Variants in EVPLL observed in about 807,000 individuals in gnomAD.
EVPLL encodes the protein envoplakin-like protein.
A neutral mutation model predicts 46.2 loss-of-function variants in EVPLL; 39 were observed. That is an observed-to-expected ratio of 0.84 (90% CI 0.65 to 1.10). EVPLL has a LOEUF of 1.10. Among genes scored for constraint, EVPLL ranks in the 50% least tolerant of loss-of-function variants. The probability of loss-of-function intolerance (pLI) is 0.00; values close to 1 mark genes in which losing one functional copy is unlikely to be tolerated. For missense variants in EVPLL, 385 were observed against 412.6 expected, an observed-to-expected ratio of 0.93 and a Z score of 0.58; for synonymous variants, 156 against 165.8, an observed-to-expected ratio of 0.94 and a Z score of 0.46.
At position 18,381,798 on chromosome 17, in the gene EVPLL, C is replaced by A; in HGVS notation, c.346+68C>A. 1 of 1,609,370 alleles carries A rather than the reference C, an allele frequency of 6.2e-7. No homozygotes were observed. On this transcript the variant is annotated intron_variant, in intron 4 of 10. Coordinates refer to ENST00000399134, the MANE Select transcript of EVPLL (RefSeq NM_001145127.2). This position sits in a 1 kb window ranked among gnomAD's most constrained non-coding sequence, Gnocchi z 4.2. ...TACGGAACTGCATTTAACCCAGGGCCTGACTGTAGGCTTGAACAGTCAGTG... is the reference window on the plus strand; with the variant it reads ...TACGGAACTGCATTTAACCCAGGGCATGACTGTAGGCTTGAACAGTCAGTG...
Position 18,383,041 on chromosome 17 carries a change from G to A in EVPLL, c.528G>A (p.Ala176=). The part of the protein sequence containing the change: ...IPRPTEGGVV[A]RAEPGQPVHA... Reference sequence around the variant, plus strand: ...TGAGCACAGAGGGCGGCGTCGTGGCGCGGGCAGAGCCTGGGCAGCCTGTAC... The same window carrying A: ...TGAGCACAGAGGGCGGCGTCGTGGCACGGGCAGAGCCTGGGCAGCCTGTAC... Residue 176 remains alanine (A), a synonymous_variant, in exon 7 of 11, where the codon GCG becomes GCA. Transcript: ENST00000399134. The A allele has an allele frequency of 6.4e-7, 1 of 1,558,242 alleles. No homozygotes were observed. Among genetic ancestry groups the A allele is most frequent in the South Asian group, 1.2e-5 (1 of 86,156 alleles).
In EVPLL at chr17:18,380,972, T is replaced by G; in HGVS notation, c.35T>G (p.Ile12Ser). 6.3e-7 allele frequency: 1 copy of G among 1,596,956 alleles called. No individual in the cohort carries two copies. The highest frequency in any genetic ancestry group is 8.5e-7 in the Non-Finnish European group (1 of 1,172,524). ...QASADQVERD[I>S]LETQKRLQQD... ...AGCGCCGACCAGGTGGAGCGGGACA[T>G]CCTGGAGACGCAGAAGAGGCTGCAG... The change falls in exon 2 of 11, where the codon ATC becomes AGC. Residue 12 changes from isoleucine to serine, a missense_variant. Coordinates refer to ENST00000399134, the MANE Select transcript of EVPLL (RefSeq NM_001145127.2).
intron 9 of EVPLL, among the ~76,000 whole-genome samples, chr17:18,387,330 C>G (rs1296977207): frequency 1.3e-5 from 2 of 151,982 alleles, no homozygotes; most frequent in East Asian, 1.9e-4. Flanking sequence ...AAAATATATC[C>G]TGATTCCAGC....
Position 18,383,204 on chromosome 17 carries a change from G to A in EVPLL, c.672+19G>A. 6.5e-7 allele frequency: 1 copy of A among 1,546,426 alleles called. No individual in the cohort carries two copies. The highest frequency in any genetic ancestry group is 2.4e-5 in the East Asian group (1 of 41,234). ...ATACGAGGTCGGCTGGCAGAGGTTG[G>A]GGCCAGGCGGGGGCGACCAGGGCCA... On this transcript the variant is annotated intron_variant, in intron 7 of 10. Transcript: ENST00000399134.
At chr17:18,388,043 C>CACATATATATATATGTATAT (rs1555596640) in intron 9 of EVPLL, 176 bp from the exon 10 acceptor site, 1 of 166,706 alleles carries the variant, frequency 6.0e-6, no homozygotes, top group African/African-American at 3.2e-5. Flanking sequence ...TATATATATA[C>CACATATATATATATGTATAT]ATATATATGT....
intron 9 of EVPLL, among the ~76,000 whole-genome samples, chr17:18,386,198 C>T (rs987120296): frequency 6.6e-6 from 1 of 152,166 alleles, no homozygotes. Context: ...AGGTGGCCTT[C>T]CCGGTGTCTC....
At chr17:18,384,805 G>A (rs1598098964) in intron 9 of EVPLL, among the ~76,000 whole-genome samples, 1 of 152,286 alleles carries the variant, frequency 6.6e-6, no homozygotes, top group Middle Eastern at 3.4e-3. Context: ...GGCCTCCCTT[G>A]GACCACCCGG....
intron 9 of EVPLL, chr17:18,388,008 GTC>G (rs926460398): frequency 4.0e-3 from 477 of 119,968 alleles, no homozygotes; most frequent in East Asian, 7.1e-3. Context: ...GCAAGACCCT[GTC>G]TCTCTCTCTC....
rs1314960263 is a variant in EVPLL, at chr17:18,381,645, G to A, written c.261G>A (p.Glu87=). Residue 87 remains glutamate (E), a synonymous_variant, in exon 4 of 11, where the codon GAG becomes GAA. Coordinates refer to ENST00000399134, the MANE Select transcript of EVPLL (RefSeq NM_001145127.2). The surrounding 1 kb of genome is among the most constrained non-coding windows in gnomAD (Gnocchi z 4.2). ...AGCGGGTGACCCAGGAGTGTGCGGAGTACTGTGCCCTGTACGAGAAGATGG... is the reference window on the plus strand; with the variant it reads ...AGCGGGTGACCCAGGAGTGTGCGGAATACTGTGCCCTGTACGAGAAGATGG... ...LHERVTQECA[E]YCALYEKMVL... is the part of the protein sequence containing the mutation. 3 of 1,614,082 alleles carry A rather than the reference G, an allele frequency of 1.9e-6. No individual in the cohort carries two copies. The highest frequency in any genetic ancestry group is 2.7e-5 in the African/African-American group (2 of 74,942).
chr17:18,383,842 A>T (rs1041884097), intron 9 of EVPLL: 19 of 440,094 alleles, frequency 4.3e-5, no homozygotes, highest in African/African-American at 3.8e-4. Context: ...AGGTGGTGGC[A>T]CGCGCCTGTA....
intron 9 of EVPLL, among the ~76,000 whole-genome samples, chr17:18,384,897 G>A (rs940399854): frequency 1.6e-4 from 25 of 152,188 alleles, no homozygotes; most frequent in Non-Finnish European, 3.5e-4. Context: ...CGTCTGCAGA[G>A]GAGGCAGCAG....
At position 18,381,483 on chromosome 17, in the gene EVPLL, G is replaced by A. The variant is rs370156314; in HGVS notation, c.180G>A (p.Arg60=). The change falls in exon 3 of 11, where the codon CGG becomes CGA. Residue 60 remains arginine (R), a synonymous_variant. Transcript: ENST00000399134. The surrounding 1 kb of genome is among the most constrained non-coding windows in gnomAD (Gnocchi z 4.2). ...TCTTCCTGGACGTGGACAAGGCCCG[G>A]CGGCTCAAGCACCCGCAGGCTGAGG... ...KDLFLDVDKA[R]RLKHPQAEET... is the part of the protein sequence containing the mutation. The A allele has an allele frequency of 2.5e-6, 4 of 1,613,912 alleles. No homozygotes were observed. The highest frequency in any genetic ancestry group is 3.4e-6 in the Non-Finnish European group (4 of 1,179,982).
chr17:18,389,348 G>A lies in EVPLL; in HGVS notation c.*532G>A, dbSNP rs1176123884. ...AGCAGGAAAAGGAGGCTGTGAGGAAGGGTTCGGGCAGCTCCTCCTGCTCTC... is the reference window on the plus strand; with the variant it reads ...AGCAGGAAAAGGAGGCTGTGAGGAAAGGTTCGGGCAGCTCCTCCTGCTCTC... On this transcript the variant is annotated 3_prime_UTR_variant, in exon 11 of 11. Transcript: ENST00000399134. The A allele has an allele frequency of 7.7e-6, 1 of 129,982 alleles. No individual in the cohort carries two copies. The highest frequency in any genetic ancestry group is 3.0e-5 in the African/African-American group (1 of 33,252). The allele number at this position is 129,982 out of a possible 1,614,324, so 8.1% of individuals were successfully genotyped here.
intron 9 of EVPLL, among the ~76,000 whole-genome samples, chr17:18,384,585 A>T (rs1987708252): frequency 6.6e-6 from 1 of 152,058 alleles, no homozygotes; most frequent in African/African-American, 2.4e-5. Flanking sequence ...TACAAAAATT[A>T]TCTGGATGTA....
Position 18,381,094 on chromosome 17 carries a change from G to C in EVPLL, c.63+94G>C. ...TGGCACTCCCTGAGTGCCCCCTGGT[G>C]ATGGTGAAGATGGGACAGATGACAT... On this transcript the variant is annotated intron_variant, in intron 2 of 10. Coordinates refer to ENST00000399134, the MANE Select transcript of EVPLL (RefSeq NM_001145127.2). This position sits in a 1 kb window ranked among gnomAD's most constrained non-coding sequence, Gnocchi z 4.2. The C allele has an allele frequency of 7.0e-7, 1 of 1,424,478 alleles. No individual in the cohort carries two copies. Among genetic ancestry groups the C allele is most frequent in the Admixed American group, 2.0e-5 (1 of 50,248 alleles). 88.2% of individuals were successfully genotyped at this position (1,424,478 alleles called of 1,614,324 possible). A position where few individuals can be genotyped will look rare whatever the true frequency, so the allele number is the denominator to read the frequency against.
At position 18,381,368 on chromosome 17, in the gene EVPLL, A is replaced by G. The variant is rs1987563886; in HGVS notation, c.65A>G (p.Asp22Gly). The G allele has an allele frequency of 6.4e-7, 1 of 1,557,786 alleles. No homozygotes were observed. The highest frequency in any genetic ancestry group is 1.4e-5 in the African/African-American group (1 of 73,266). Residue 22 changes from aspartate to glycine, a missense_variant and splice_region_variant, in exon 3 of 11, where the codon GAC becomes GGC. Asp to Gly is a moderately conservative substitution (Grantham distance 94). Transcript: ENST00000399134. The surrounding 1 kb of genome is among the most constrained non-coding windows in gnomAD (Gnocchi z 4.2). ...AGTCTGCCCATCCCCTGCCCACAGGACCGGCTGAACAGTGAGCAGAGCCAG... is the reference window on the plus strand; with the variant it reads ...AGTCTGCCCATCCCCTGCCCACAGGGCCGGCTGAACAGTGAGCAGAGCCAG... ...ILETQKRLQQDRLNSEQSQAL... is the reference protein window; with the variant it reads ...ILETQKRLQQGRLNSEQSQAL...
rs1987428612 is a variant in EVPLL at position 18,377,791 on chromosome 17, G to A, written c.-229G>A. 1 of 572,844 alleles carries A rather than the reference G, an allele frequency of 1.7e-6. No individual in the cohort carries two copies. The allele number at this position is 572,844 out of a possible 1,614,324, so 35.5% of individuals were successfully genotyped here. A position where few individuals can be genotyped will look rare whatever the true frequency, so the allele number is the denominator to read the frequency against. On this transcript the variant is annotated 5_prime_UTR_variant, in exon 1 of 11. Transcript: ENST00000399134. ...CCGCCCCACCTTGCCAGACTTAGCT[G>A]ACCAGCCAGCAAGGACGCCCGCTGC...
At chr17:18,379,258 C>T (rs1420213899) in intron 1 of EVPLL, among the ~76,000 whole-genome samples, 10 of 152,194 alleles carry the variant, frequency 6.6e-5, no homozygotes, top group Admixed American at 2.6e-4. Flanking sequence ...GGCAGCAGCC[C>T]GCCTGGGTCC....
chr17:18,382,528 G>A lies in EVPLL; in HGVS notation c.362G>A (p.Arg121Lys). The A allele has an allele frequency of 1.3e-6, 2 of 1,551,774 alleles. No individual in the cohort carries two copies. Among genetic ancestry groups the A allele is most frequent in the Non-Finnish European group, 1.7e-6 (2 of 1,147,034 alleles). ...TCTCCTGCAGAAGCTGGTCTGCGCA[G>A]GCCAGTATGGGCCGGGCATGGCGGA... ...AGAETEAGLR[R>K]PVWAGHGGAG... Residue 121 changes from arginine to lysine, a missense_variant, in exon 5 of 11, where the codon AGG (arginine) becomes AAG (lysine). Physicochemically the swap from Arg to Lys is conservative, Grantham distance 26 (BLOSUM62 2). Transcript: ENST00000399134.
Sources: gnomAD v4.1 joint callset for allele counts (sites outside exome capture counted in the v4.1 genomes callset) on GRCh38, gnomAD v4.1.1 for gene constraint, Gnocchi (gnomAD v3.1) non-coding constraint, MANE v1.5 for transcripts, NCBI Gene and HGNC (gene_info 2026-07-23, HGNC 2026-07-21) for gene names.